The following BCKDHB variants were observed in gnomAD, a reference collection of about 807,000 sequenced individuals.
BCKDHB encodes branched chain keto acid dehydrogenase E1 subunit beta, also known as 2-oxoisovalerate dehydrogenase subunit beta, mitochondrial.
BCKDHB carries 41 observed loss-of-function variants against 48.5 expected under a neutral mutation model. The observed-to-expected ratio is 0.85, with a 90% CI of 0.66 to 1.10. The LOEUF is 1.10. Among genes scored for constraint, BCKDHB ranks in the 50% least tolerant of loss-of-function variants. The pLI is 0.00. For missense variants in BCKDHB, 496 were observed against 494.2 expected, an observed-to-expected ratio of 1.00 and a Z score of -0.03; for synonymous variants, 201 against 174.8, an observed-to-expected ratio of 1.15 and a Z score of -1.18.
At chr6:80,425,799 TTCTC>T in the BCKDHB span, among the ~76,000 whole-genome samples, 3 of 152,196 alleles carry the variant, frequency 2.0e-5, no homozygotes, top group African/African-American at 4.8e-5. Context: ...AATGAAAACT[TTCTC>T]TCAGTTTTAA....
At chr6:80,407,467 T>C in the BCKDHB span, among the ~76,000 whole-genome samples, 1 of 152,204 alleles carries the variant, frequency 6.6e-6, no homozygotes, top group South Asian at 2.1e-4. Flanking sequence ...ATTTTCACGA[T>C]ATTGATTCTT....
intron 5 of BCKDHB, among the ~76,000 whole-genome samples, chr6:80,170,095 A>C (rs992754759): frequency 6.6e-6 from 1 of 152,008 alleles, no homozygotes; most frequent in Non-Finnish European, 1.5e-5. Flanking sequence ...CAAAAGGCTA[A>C]TATGAAGAAA....
intron 8 of BCKDHB, among the ~76,000 whole-genome samples, chr6:80,248,823 T>C (rs963158450): frequency 6.6e-6 from 1 of 151,996 alleles, no homozygotes; most frequent in East Asian, 1.9e-4. Flanking sequence ...GGAGATGAAT[T>C]CTCTGTTGAA....
chr6:80,219,543 C>T (rs991187759), intron 8 of BCKDHB, among the ~76,000 whole-genome samples: 2 of 152,090 alleles, frequency 1.3e-5, no homozygotes, highest in Non-Finnish European at 2.9e-5. Flanking sequence ...CCAGTCTTGA[C>T]TACCCTTCTC....
rs75681127 is a variant in BCKDHB, at chr6:80,204,238, A to C, written c.951+1026A>C. 4.0e-3 allele frequency among the ~76,000 whole-genome samples: 603 copies of C among 152,164 alleles called. 5 individuals carry two copies. Among genetic ancestry groups the C allele is most frequent in the Non-Finnish European group, 5.2e-3 (355 of 67,982 alleles). On this transcript the variant is annotated intron_variant, in intron 8 of 9. Coordinates refer to ENST00000320393, the MANE Select transcript of BCKDHB (RefSeq NM_183050.4). The stretch of plus-strand genomic sequence containing the variant: ...TAGCCTAGGATGTTTTTAGGTGAAG[A>C]GTGTTTTATAATTTAGTAGAAGATG...
At chr6:80,275,598 T>C (rs1237684563) in intron 9 of BCKDHB, among the ~76,000 whole-genome samples, 2 of 152,040 alleles carry the variant, frequency 1.3e-5, no homozygotes, top group Non-Finnish European at 2.9e-5. Context: ...TTAGTGAGCA[T>C]GATATCCATA....
intron 8 of BCKDHB, chr6:80,251,788 G>GT (rs1229701495): frequency 1.3e-5 from 2 of 152,132 alleles, no homozygotes. Flanking sequence ...CAAGGTAATG[G>GT]TAGGGATTTA....
intron 6 of BCKDHB, among the ~76,000 whole-genome samples, chr6:80,193,603 C>T (rs1387430097): frequency 6.6e-6 from 1 of 151,826 alleles, no homozygotes; most frequent in African/African-American, 2.4e-5. Flanking sequence ...ACCTGTAATC[C>T]CAGCTACTCA....
chr6:80,107,423 ATGTG>A lies in BCKDHB; in HGVS notation c.196+554_196+557del, dbSNP rs60917181. ...CTTCTTACATACAGAAATTGTGTGT[ATGTG>A]TGTGTGTGTGTGTGTGTGTATATAT... is the stretch of plus-strand genomic sequence containing the variant. On this transcript the variant is annotated intron_variant, in intron 1 of 9. Coordinates refer to ENST00000320393, the MANE Select transcript of BCKDHB (RefSeq NM_183050.4). Among the ~76,000 whole-genome samples the A allele has an allele frequency of 8.7e-3, 637 of 73,222 alleles. 8 individuals carry two copies. The highest frequency in any genetic ancestry group is 0.018 in the African/African-American group (542 of 29,726). The allele number at this position is 73,222 out of a possible 152,430, so 48.0% of individuals were successfully genotyped here.
chr6:80,416,774 AT>A, the BCKDHB span, among the ~76,000 whole-genome samples: 1,661 of 64,908 alleles, frequency 0.026, 8 homozygotes, highest in Non-Finnish European at 0.056. Context: ...TTTTATTTTT[AT>A]TTTTTTTAAT....
chr6:80,374,611 T>A, the BCKDHB span: 1 of 575,844 alleles, frequency 1.7e-6, no homozygotes, highest in Admixed American at 2.7e-5. Context: ...AGAGCCATTC[T>A]ATATCTTTTA....
intron 9 of BCKDHB, among the ~76,000 whole-genome samples, chr6:80,302,378 A>G (rs1767630199): frequency 6.6e-6 from 1 of 152,154 alleles, no homozygotes; most frequent in African/African-American, 2.4e-5. Flanking sequence ...ATATATACTA[A>G]ATTATTTTTA....
intron 8 of BCKDHB, among the ~76,000 whole-genome samples, chr6:80,210,252 T>G (rs1275788245): frequency 6.7e-6 from 1 of 150,258 alleles, no homozygotes; most frequent in African/African-American, 2.5e-5. Context: ...AAGTATAATA[T>G]TGTTCAGCGA....
the BCKDHB span, among the ~76,000 whole-genome samples, chr6:80,417,496 T>G: frequency 6.6e-6 from 1 of 152,192 alleles, no homozygotes; most frequent in Non-Finnish European, 1.5e-5. Context: ...TTTCCATATT[T>G]ATTGCTTCCT....
intron 9 of BCKDHB, among the ~76,000 whole-genome samples, chr6:80,333,544 T>C (rs1306257863): frequency 1.3e-5 from 2 of 152,152 alleles, no homozygotes; most frequent in African/African-American, 4.8e-5. Flanking sequence ...CAGGATGGGA[T>C]GTGCCAATTA....
chr6:80,381,222 G>A, the BCKDHB span, among the ~76,000 whole-genome samples: 6 of 151,716 alleles, frequency 4.0e-5, no homozygotes, highest in Non-Finnish European at 8.8e-5. Context: ...AAGGTATACC[G>A]TCCTATACCA....
chr6:80,131,612 A>T (rs1458637576), intron 3 of BCKDHB, among the ~76,000 whole-genome samples: 2 of 151,080 alleles, frequency 1.3e-5, no homozygotes, highest in Non-Finnish European at 2.9e-5. Flanking sequence ...TGATGATTTT[A>T]ACATGCATAT....
At chr6:80,299,319 C>T (rs1042336190) in intron 9 of BCKDHB, among the ~76,000 whole-genome samples, 27 of 152,104 alleles carry the variant, frequency 1.8e-4, no homozygotes, top group South Asian at 1.7e-3. Flanking sequence ...TCCTTTGGGT[C>T]GGAGGGTCTC....
chr6:80,454,288 T>G, the BCKDHB span: 1 of 152,194 alleles, frequency 6.6e-6, no homozygotes, highest in Non-Finnish European at 1.5e-5. Context: ...ATACACACTG[T>G]CTCTTGAGAG....
Sources: gnomAD v4.1 joint callset for allele counts (sites outside exome capture counted in the v4.1 genomes callset) on GRCh38, gnomAD v4.1.1 for gene constraint, MANE v1.5 for transcripts, NCBI Gene and HGNC (gene_info 2026-07-23, HGNC 2026-07-21) for gene names.